The following CCDC172 variants were observed in gnomAD, a reference collection of about 807,000 sequenced individuals.
CCDC172 encodes the protein coiled-coil domain-containing protein 172.
Under a neutral mutation model 38.0 loss-of-function variants are expected in CCDC172, and 30 were observed. The ratio of observed to expected loss-of-function variants is 0.79; its 90% CI spans 0.59 to 1.07. The LOEUF is 1.07. Among genes scored for constraint, CCDC172 ranks in the 50% least tolerant of loss-of-function variants. The pLI is 0.00. For missense variants in CCDC172, 297 were observed against 290.1 expected, an observed-to-expected ratio of 1.02 and a Z score of -0.17; for synonymous variants, 78 against 88.3, an observed-to-expected ratio of 0.88 and a Z score of 0.66.
At chr10:116,346,871 G>A (rs951234396) in intron 5 of CCDC172, among the ~76,000 whole-genome samples, 5 of 152,082 alleles carry the variant, frequency 3.3e-5, no homozygotes, top group African/African-American at 1.2e-4. Flanking sequence ...TTTGATTAAT[G>A]TGCTGGCCCC....
chr10:116,354,337 T>C (rs967742344), intron 5 of CCDC172, among the ~76,000 whole-genome samples: 3 of 152,128 alleles, frequency 2.0e-5, no homozygotes, highest in African/African-American at 7.2e-5. Flanking sequence ...CTCCTACTTA[T>C]TAAAAAAAGT....
intron 7 of CCDC172, among the ~76,000 whole-genome samples, chr10:116,365,739 A>G (rs1845115100): frequency 1.3e-5 from 2 of 152,166 alleles, no homozygotes; most frequent in Non-Finnish European, 1.5e-5. Flanking sequence ...TGACATTTCA[A>G]TCAACAGCAT....
At chr10:116,337,665 T>C (rs993099362) in intron 3 of CCDC172, among the ~76,000 whole-genome samples, 1 of 152,182 alleles carries the variant, frequency 6.6e-6, no homozygotes, top group Non-Finnish European at 1.5e-5. Flanking sequence ...TCAAGCTACA[T>C]AGATATAAAA....
intron 5 of CCDC172, among the ~76,000 whole-genome samples, chr10:116,346,404 A>G (rs1387897685): frequency 6.6e-6 from 1 of 152,104 alleles, no homozygotes; most frequent in Admixed American, 6.6e-5. Context: ...ACATGGACCT[A>G]TTTCAAAATA....
chr10:116,331,584 T>C (rs955200301), intron 3 of CCDC172, among the ~76,000 whole-genome samples: 1 of 152,132 alleles, frequency 6.6e-6, no homozygotes, highest in Admixed American at 6.6e-5. Flanking sequence ...AGTGAATAAG[T>C]TAAAATTTTT....
chr10:116,343,939 G>A (rs1420806781), intron 5 of CCDC172, among the ~76,000 whole-genome samples: 2 of 152,000 alleles, frequency 1.3e-5, no homozygotes, highest in Non-Finnish European at 2.9e-5. Context: ...AAGAATATTG[G>A]ATTTTTTTCT....
At chr10:116,364,612 A>C (rs536826668) in intron 7 of CCDC172, among the ~76,000 whole-genome samples, 1 of 152,296 alleles carries the variant, frequency 6.6e-6, no homozygotes, top group Non-Finnish European at 1.5e-5. Context: ...TATTTCTCTT[A>C]AATAGTATTA....
At chr10:116,332,292 G>T (rs1450377076) in intron 3 of CCDC172, among the ~76,000 whole-genome samples, 2 of 152,042 alleles carry the variant, frequency 1.3e-5, no homozygotes, top group African/African-American at 4.8e-5. Flanking sequence ...ATTTCTCTTT[G>T]TTTGGAGTAG....
intron 3 of CCDC172, among the ~76,000 whole-genome samples, chr10:116,339,314 C>G (rs1844766249): frequency 6.6e-6 from 1 of 151,908 alleles, no homozygotes. Context: ...AGGTGTTTAA[C>G]TTCTCTGGAC....
intron 7 of CCDC172, among the ~76,000 whole-genome samples, chr10:116,377,440 T>A (rs1845260509): frequency 6.6e-6 from 1 of 152,122 alleles, no homozygotes; most frequent in African/African-American, 2.4e-5. Context: ...AAACCCCCTT[T>A]CCTTCATTAA....
At chr10:116,329,071 G>A (rs1196969596) in intron 3 of CCDC172, among the ~76,000 whole-genome samples, 1 of 152,110 alleles carries the variant, frequency 6.6e-6, no homozygotes, top group Non-Finnish European at 1.5e-5. Flanking sequence ...TGAATTACAG[G>A]ATTGACATCA....
intron 7 of CCDC172, among the ~76,000 whole-genome samples, chr10:116,377,728 T>C (rs1490188465): frequency 6.6e-6 from 1 of 152,096 alleles, no homozygotes; most frequent in Non-Finnish European, 1.5e-5. Flanking sequence ...CATTTTTTTT[T>C]CTATACTTAA....
rs568579693 is a variant in CCDC172, at chr10:116,336,213, T to G, written c.166-4521T>G. 3.4e-5 allele frequency among the ~76,000 whole-genome samples: 5 copies of G among 148,514 alleles called. No individual in the cohort carries two copies. In the South Asian group the frequency reaches 1.0e-3, roughly 31 times the overall value. ...TTTAATATGTATAAATATTATATTA[T>G]ATTATACATGTATTATATTTTATAT... On this transcript the variant is annotated intron_variant, in intron 3 of 8. Transcript: ENST00000333254.
At chr10:116,367,324 G>A (rs1358699946) in intron 7 of CCDC172, among the ~76,000 whole-genome samples, 2 of 152,150 alleles carry the variant, frequency 1.3e-5, no homozygotes, top group East Asian at 3.9e-4. Context: ...TGATTTGACT[G>A]TTGCACATTG....
At chr10:116,348,095 C>G (rs1160121388) in intron 5 of CCDC172, among the ~76,000 whole-genome samples, 1 of 151,494 alleles carries the variant, frequency 6.6e-6, no homozygotes, top group Non-Finnish European at 1.5e-5. Context: ...TTTTTTCTTT[C>G]TCTGCTTGGA....
intron 7 of CCDC172, among the ~76,000 whole-genome samples, chr10:116,373,448 G>T (rs1047494038): frequency 2.0e-5 from 3 of 152,128 alleles, no homozygotes; most frequent in Admixed American, 1.3e-4. Flanking sequence ...AAATGGGAGG[G>T]AGAAATTGGA....
chr10:116,329,957 C>G (rs941091507), intron 3 of CCDC172, among the ~76,000 whole-genome samples: 2 of 152,130 alleles, frequency 1.3e-5, no homozygotes, highest in Non-Finnish European at 2.9e-5. Context: ...ATCTAAAGTA[C>G]TTTTATATTC....
intron 7 of CCDC172, among the ~76,000 whole-genome samples, chr10:116,377,057 T>G (rs1465530783): frequency 1.3e-5 from 2 of 152,100 alleles, no homozygotes; most frequent in Non-Finnish European, 2.9e-5. Flanking sequence ...AGGGGAGGGA[T>G]AGCATTAGGA....
At chr10:116,347,034 T>A (rs1191066092) in intron 5 of CCDC172, among the ~76,000 whole-genome samples, 1 of 152,174 alleles carries the variant, frequency 6.6e-6, no homozygotes, top group Non-Finnish European at 1.5e-5. Context: ...GTCTGAAGAA[T>A]GATACTGATT....
Sources: gnomAD v4.1 joint callset for allele counts (sites outside exome capture counted in the v4.1 genomes callset) on GRCh38, gnomAD v4.1.1 for gene constraint, MANE v1.5 for transcripts, NCBI Gene and HGNC (gene_info 2026-07-23, HGNC 2026-07-21) for gene names.